PHF2: variants seen among roughly 807,000 people sequenced by gnomAD.
PHF2 encodes PHD finger protein 2.
PHF2 carries 27 observed loss-of-function variants against 120.5 expected under a neutral mutation model. That is an observed-to-expected ratio of 0.22 (90% CI 0.17 to 0.31). The LOEUF (loss-of-function observed/expected upper bound fraction) is 0.31. PHF2 is among the 10% of genes least tolerant of loss of function. PHF2 has a pLI of 1.00. For synonymous variants in PHF2, 568 were observed against 592.5 expected (o/e 0.96, Z 0.60); for missense variants, 1,024 against 1,434.8 (o/e 0.71, Z 4.63).
intron 1 of PHF2, among the ~76,000 whole-genome samples, chr9:93,627,795 T>A (rs148497647): frequency 0.013 from 1,947 of 152,304 alleles, 31 homozygotes; most frequent in Middle Eastern, 0.092. Context: ...TATGGTGTAA[T>A]GTGTCTTGGG....
chr9:93,618,501 C>T (rs1198504459), intron 1 of PHF2, among the ~76,000 whole-genome samples: 3 of 152,234 alleles, frequency 2.0e-5, no homozygotes. Flanking sequence ...CACATACATG[C>T]ATGTGCATAG....
chr9:93,662,932 C>G lies in PHF2; in HGVS notation c.1724C>G (p.Pro575Arg). The G allele has an allele frequency of 6.2e-7, 1 of 1,613,978 alleles. No homozygotes were observed. The highest frequency in any genetic ancestry group is 8.5e-7 in the Non-Finnish European group (1 of 1,179,970). ...GKATKSVLSV[P>R]NKDVVHMQND... ...GCCACAAAGAGTGTCCTGAGTGTGC[C>G]CAACAAAGATGTGGTTCACATGCAG... Residue 575 changes from proline (P) to arginine (R), a missense_variant, in exon 13 of 22, where the codon CCC (proline) becomes CGC (arginine). Around this residue, in one of 2 missense-constraint regions of PHF2, gnomAD observed 677 missense variants for 857.4 expected, o/e 0.79. Coordinates refer to ENST00000359246, the MANE Select transcript of PHF2 (RefSeq NM_005392.4).
At chr9:93,654,890 C>T (rs958968092) in intron 7 of PHF2, among the ~76,000 whole-genome samples, 1 of 152,202 alleles carries the variant, frequency 6.6e-6, no homozygotes. Context: ...CCTTCTCATC[C>T]TGGCTGGGCT....
intron 2 of PHF2, among the ~76,000 whole-genome samples, chr9:93,631,354 A>G (rs575041465): frequency 4.6e-5 from 7 of 152,298 alleles, no homozygotes; most frequent in East Asian, 1.9e-4. Context: ...CAAATATGCA[A>G]GCGGGTGATG....
chr9:93,598,794 A>C (rs1472518977), intron 1 of PHF2, among the ~76,000 whole-genome samples: 2 of 152,066 alleles, frequency 1.3e-5, no homozygotes, highest in East Asian at 3.9e-4. Flanking sequence ...TGTTTCTTTA[A>C]AATTTTCATT....
chr9:93,634,662 A>G (rs1004215507), intron 2 of PHF2, among the ~76,000 whole-genome samples: 1 of 152,080 alleles, frequency 6.6e-6, no homozygotes, highest in African/African-American at 2.4e-5. Context: ...AGATGCATCC[A>G]CCTCTCCTTC....
chr9:93,619,099 C>T (rs1194020720), intron 1 of PHF2, among the ~76,000 whole-genome samples: 1 of 152,002 alleles, frequency 6.6e-6, no homozygotes, highest in Non-Finnish European at 1.5e-5. Context: ...GGATCACCCC[C>T]AGGCCTCACT....
At chr9:93,623,883 G>A (rs1352428175) in intron 1 of PHF2, among the ~76,000 whole-genome samples, 1 of 152,190 alleles carries the variant, frequency 6.6e-6, no homozygotes, top group African/African-American at 2.4e-5. Flanking sequence ...CAGAACACTC[G>A]TCTAGGGCCC....
At position 93,653,374 on chromosome 9, in the gene PHF2, C is replaced by T. The variant is rs753806699; in HGVS notation, c.789+9C>T. 19 of 1,612,302 alleles carry T rather than the reference C, an allele frequency of 1.2e-5. No individual in the cohort carries two copies. The Admixed American group carries it at 2.2e-4, about 18-fold the overall frequency. The stretch of plus-strand genomic sequence containing the variant: ...GGTACCACGTGCTCAAGGTGAGCCA[C>T]GCCCCTCGGGGCACCTCTGCCTTGC... On this transcript the variant is annotated intron_variant, in intron 6 of 21. Coordinates refer to ENST00000359246, the MANE Select transcript of PHF2 (RefSeq NM_005392.4).
At chr9:93,597,714 A>T (rs1457228544) in intron 1 of PHF2, among the ~76,000 whole-genome samples, 3 of 152,152 alleles carry the variant, frequency 2.0e-5, no homozygotes, top group Non-Finnish European at 4.4e-5. Context: ...ACCTACCCTT[A>T]GGCCTATGTG....
chr9:93,653,469 C>G, intron 6 of PHF2, 104 bp downstream of exon 6: 1 of 1,185,902 alleles, frequency 8.4e-7, no homozygotes, highest in South Asian at 1.4e-5. Context: ...ATGCGACTCC[C>G]CAGAGGGCCC....
chr9:93,639,514 C>T (rs1474713224), intron 3 of PHF2, among the ~76,000 whole-genome samples: 5 of 152,006 alleles, frequency 3.3e-5, no homozygotes, highest in Admixed American at 3.3e-4. Context: ...ATGTCATTTG[C>T]AAATTGAGAT....
chr9:93,577,748 C>T lies in PHF2; in HGVS notation c.98+877C>T, dbSNP rs142508043. On this transcript the variant is annotated intron_variant, in intron 1 of 21. Coordinates refer to ENST00000359246, the MANE Select transcript of PHF2 (RefSeq NM_005392.4). ...AACGCTTGGAGACACTGAAAACCCCCGCCCTCTTGGCCCTTGCCGATGGCC... is the reference window on the plus strand; with the variant it reads ...AACGCTTGGAGACACTGAAAACCCCTGCCCTCTTGGCCCTTGCCGATGGCC... Among the ~76,000 whole-genome samples, 550 of 152,314 alleles carry T rather than the reference C, an allele frequency of 3.6e-3. 4 individuals are homozygous for T. The highest frequency in any genetic ancestry group is 0.012 in the African/African-American group (514 of 41,580).
intron 5 of PHF2, 50 bp downstream of exon 5, chr9:93,649,262 G>A (rs1381989507): frequency 1.4e-5 from 21 of 1,488,738 alleles, no homozygotes; most frequent in African/African-American, 4.2e-5. Context: ...GGGCAGGGGC[G>A]CTGTGCCGTC....
At chr9:93,667,407 G>A (rs564717784) in intron 17 of PHF2, among the ~76,000 whole-genome samples, 167 bp downstream of exon 17, 104 of 152,372 alleles carry the variant, frequency 6.8e-4, no homozygotes, top group African/African-American at 2.2e-3. Context: ...GGACTGGTTC[G>A]TCCCACTGGG....
chr9:93,614,052 T>A (rs1269528163), intron 1 of PHF2, among the ~76,000 whole-genome samples: 1 of 152,208 alleles, frequency 6.6e-6, no homozygotes, highest in Non-Finnish European at 1.5e-5. Flanking sequence ...AGGAAGGCAC[T>A]GAGTTACCTG....
chr9:93,619,642 G>A (rs948530544), intron 1 of PHF2, among the ~76,000 whole-genome samples: 2 of 152,052 alleles, frequency 1.3e-5, no homozygotes, highest in Admixed American at 1.3e-4. Context: ...GCTTCCGGTA[G>A]CCCGTGCTCC....
Position 93,674,919 on chromosome 9 carries a change from C to G in PHF2, c.2627-8C>G. ...AGCGGGCCACGCCTTCCCTCTGCCT[C>G]CCTCTAGTTTACCCCTCACTGGAGT... On this transcript the variant is annotated splice_polypyrimidine_tract_variant and splice_region_variant and intron_variant, in intron 18 of 21. Transcript: ENST00000359246. The G allele has an allele frequency of 6.2e-7, 1 of 1,610,796 alleles. No individual in the cohort carries two copies.
intron 1 of PHF2, among the ~76,000 whole-genome samples, chr9:93,621,268 C>T (rs1825821263): frequency 6.6e-6 from 1 of 152,260 alleles, no homozygotes; most frequent in Non-Finnish European, 1.5e-5. Flanking sequence ...CTGGCCCAGG[C>T]ACCTAGGTGG....
Sources: allele counts gnomAD v4.1 joint callset (sites outside exome capture counted in the v4.1 genomes callset), GRCh38; gene constraint gnomAD v4.1.1; regional missense constraint gnomAD v4.1.1; transcripts MANE v1.5; gene names NCBI Gene and HGNC (gene_info 2026-07-23, HGNC 2026-07-21).